Variants in CCDC30 observed in about 807,000 individuals in gnomAD.
The protein encoded by CCDC30 is coiled-coil domain containing 30.
CCDC30 carries 70 observed loss-of-function variants against 100.2 expected under a neutral mutation model. The observed-to-expected ratio is 0.70, with a 90% CI of 0.58 to 0.85. The LOEUF is 0.85. CCDC30 is among the 40% of genes least tolerant of loss of function. CCDC30 has a pLI of 0.00. For synonymous variants in CCDC30, 233 were observed against 269.5 expected, an observed-to-expected ratio of 0.86 and a Z score of 1.33; for missense variants, 652 against 771.2, an observed-to-expected ratio of 0.85 and a Z score of 1.83.
At chr1:42,537,065 A>G (rs1644919154) in intron 6 of CCDC30, 1 of 398,928 alleles carries the variant, frequency 2.5e-6, no homozygotes, top group East Asian at 7.1e-5. Flanking sequence ...AATTCAGTCC[A>G]TAGCACTGTA....
At chr1:42,513,123 C>G (rs1644504935) in intron 6 of CCDC30, among the ~76,000 whole-genome samples, 1 of 152,094 alleles carries the variant, frequency 6.6e-6, no homozygotes, top group South Asian at 2.1e-4. Flanking sequence ...GGGAAATATC[C>G]AGGGTTCATT....
Position 42,638,874 on chromosome 1 carries a change from CTAAA to C in CCDC30, c.1419+1517_1419+1520del, listed in dbSNP as rs568862531. 9.9e-5 allele frequency among the ~76,000 whole-genome samples: 15 copies of C among 150,914 alleles called. 1 individual carries two copies. Among genetic ancestry groups the C allele is most frequent in the Middle Eastern group, 3.4e-3 (1 of 294 alleles). On this transcript the variant is annotated intron_variant, in intron 12 of 16. Coordinates refer to ENST00000668663, the Ensembl canonical transcript of CCDC30. Reference sequence around the variant, plus strand: ...CTGGGGGACAAGAGCAAAACTCCATCTAAATAAATAAATAAATAAATAAAGAGTA... The same window carrying C: ...CTGGGGGACAAGAGCAAAACTCCATCTAAATAAATAAATAAATAAAGAGTA...
intron 11 of CCDC30, among the ~76,000 whole-genome samples, chr1:42,612,517 A>T (rs890173480): frequency 1.3e-5 from 2 of 152,186 alleles, no homozygotes; most frequent in African/African-American, 2.4e-5. Flanking sequence ...CCCAAAACCA[A>T]GTCTCAGCTG....
chr1:42,539,231 C>G, intron 6 of CCDC30: 1 of 1,609,646 alleles, frequency 6.2e-7, no homozygotes, highest in Non-Finnish European at 8.5e-7. Context: ...CACAATCTTC[C>G]AGGGGAATCA....
At chr1:42,473,480 T>C (rs1032484564) in intron 1 of CCDC30, 2 of 392,682 alleles carry the variant, frequency 5.1e-6, no homozygotes, top group Non-Finnish European at 8.9e-6. Context: ...TGGTTTCCAT[T>C]AAGACTCCAT....
chr1:42,482,859 C>T, intron 3 of CCDC30, 43 bp downstream of exon 3: 1 of 1,177,584 alleles, frequency 8.5e-7, no homozygotes, highest in Non-Finnish European at 1.1e-6. Flanking sequence ...CATGCTTTAA[C>T]TGTACTGATC....
chr1:42,577,786 G>A (rs1418537000), intron 8 of CCDC30, among the ~76,000 whole-genome samples: 5 of 151,858 alleles, frequency 3.3e-5, no homozygotes, highest in Admixed American at 6.6e-5. Context: ...GACTACAGGC[G>A]TCCACCACCA....
At chr1:42,476,406 A>T (rs962021097) in intron 1 of CCDC30, among the ~76,000 whole-genome samples, 1 of 152,230 alleles carries the variant, frequency 6.6e-6, no homozygotes, top group Non-Finnish European at 1.5e-5. Flanking sequence ...AATATTCTAT[A>T]TTTGTGTAGG....
rs973091243 is a variant in CCDC30, at chr1:42,650,505, G to A, written c.1855-2871G>A. ...TGTCTAAAAAAATATATATGTGTGT[G>A]TGTGTGTGTGTGTGTGTGTGTGTGT... On this transcript the variant is annotated intron_variant, in intron 15 of 16. Transcript: ENST00000668663. Among the ~76,000 whole-genome samples the A allele has an allele frequency of 3.4e-3, 499 of 144,862 alleles. 3 individuals carry two copies. The highest frequency in any genetic ancestry group is 0.01 in the African/African-American group (370 of 36,852).
intron 6 of CCDC30, among the ~76,000 whole-genome samples, chr1:42,556,761 T>G (rs1026485594): frequency 2.6e-5 from 4 of 152,162 alleles, no homozygotes; most frequent in South Asian, 2.1e-4. Context: ...GTTGATGCAC[T>G]TTATTATAAA....
intron 15 of CCDC30, among the ~76,000 whole-genome samples, chr1:42,650,361 T>C (rs750273655): frequency 1.9e-4 from 29 of 151,774 alleles, no homozygotes; most frequent in Non-Finnish European, 4.0e-4. Flanking sequence ...TAGCTGGGCA[T>C]AGTAATCTCA....
chr1:42,463,348 G>C (rs1643466084), exon 1 of CCDC30: 1 of 152,234 alleles, frequency 6.6e-6, no homozygotes, highest in African/African-American at 2.4e-5. Flanking sequence ...GGGGCCGAGC[G>C]ACCCCGGGAC....
At chr1:42,558,391 A>G (rs1645417101) in intron 6 of CCDC30, 1 of 153,022 alleles carries the variant, frequency 6.5e-6, no homozygotes. Context: ...GCAGATGGAA[A>G]ATGAAGACAG....
At chr1:42,581,373 A>G (rs202069590) in exon 9 of CCDC30, 1 of 1,600,856 alleles carries the variant, frequency 6.2e-7, no homozygotes, top group African/African-American at 1.4e-5. Context: ...TTGGACCTGC[A>G]GCGGAAATTA....
chr1:42,608,958 C>A (rs1048379852), intron 10 of CCDC30, among the ~76,000 whole-genome samples: 3 of 152,090 alleles, frequency 2.0e-5, no homozygotes, highest in African/African-American at 7.2e-5. Flanking sequence ...ACAATATGGA[C>A]ATTTCTATGT....
chr1:42,646,331 A>C lies in CCDC30; in HGVS notation c.1854+14A>C, dbSNP rs985338226. 4.7e-6 allele frequency: 7 copies of C among 1,474,416 alleles called. No homozygotes were observed. Among genetic ancestry groups the C allele is most frequent in the Non-Finnish European group, 6.3e-6 (7 of 1,109,348 alleles). 91.3% of individuals were successfully genotyped at this position (1,474,416 alleles called of 1,614,324 possible). On this transcript the variant is annotated intron_variant, in intron 15 of 16. Coordinates refer to ENST00000668663, the Ensembl canonical transcript of CCDC30. ...TCTGAGCAGATGGTAGGAGAATCCAACTTCCACATCCACAATACCCTTCCC... is the reference window on the plus strand; with the variant it reads ...TCTGAGCAGATGGTAGGAGAATCCACCTTCCACATCCACAATACCCTTCCC...
chr1:42,610,991 AC>A lies in CCDC30; in HGVS notation c.1180del (p.Gln394ArgfsTer25). 1 of 1,604,256 alleles carries A rather than the reference AC, an allele frequency of 6.2e-7. No homozygotes were observed. The highest frequency in any genetic ancestry group is 8.5e-7 in the Non-Finnish European group (1 of 1,171,406). ...AATGTTTTTCAGCATGTCAAAAGCA[AC>A]CAGGAATTGTCAGAGAAGCTATCTA... On this transcript the variant is annotated frameshift_variant, in exon 11 of 17. Coordinates refer to ENST00000668663, the Ensembl canonical transcript of CCDC30. LOFTEE classifies it high-confidence loss of function.
chr1:42,463,412 C>T (rs1009829789), exon 1 of CCDC30: 4 of 152,378 alleles, frequency 2.6e-5, no homozygotes, highest in African/African-American at 7.2e-5. Context: ...AGGTTCCTGC[C>T]TCAGCCCCAA....
chr1:42,492,520 G>C (rs1644159845), intron 4 of CCDC30: 2 of 153,296 alleles, frequency 1.3e-5, no homozygotes, highest in African/African-American at 4.8e-5. Flanking sequence ...TAAAAAAAAG[G>C]CCATCCTGGG....
Sources: allele counts gnomAD v4.1 joint callset (sites outside exome capture counted in the v4.1 genomes callset), GRCh38; gene constraint gnomAD v4.1.1; transcripts MANE v1.5; gene names NCBI Gene and HGNC (gene_info 2026-07-23, HGNC 2026-07-21).